The following DMD variants were observed in gnomAD, a reference collection of about 807,000 sequenced individuals.
DMD encodes the protein mutant dystrophin.
In DMD, 63 loss-of-function variants were observed where a neutral mutation model predicts 330.1. The observed-to-expected ratio is 0.19, with a 90% CI of 0.16 to 0.24. DMD has a LOEUF of 0.24. DMD is among the 10% of genes least tolerant of loss of function. The pLI is 1.00. For missense variants in DMD, 3,344 were observed against 2,684.1 expected, an observed-to-expected ratio of 1.25 and a Z score of -5.43; for synonymous variants, 1,223 against 959.8, an observed-to-expected ratio of 1.27 and a Z score of -5.07.
chrX:32,487,342 T>C (rs2042582766), intron 20 of DMD, among the ~76,000 whole-genome samples: 1 of 111,446 alleles, frequency 9.0e-6, no homozygotes, highest in African/African-American at 3.2e-5. Context: ...ACAATTCATA[T>C]ATATGCTGTC....
chrX:31,662,829 T>C (rs772493307), intron 53 of DMD, among the ~76,000 whole-genome samples: 2 of 111,848 alleles, frequency 1.8e-5, no homozygotes, highest in African/African-American at 6.5e-5. Context: ...GCTCGGAAAA[T>C]TGTAAAACAG....
At chrX:32,414,157 G>A (rs1227156963) in intron 29 of DMD, among the ~76,000 whole-genome samples, 1 of 110,689 alleles carries the variant, frequency 9.0e-6, no homozygotes, top group East Asian at 2.8e-4. Flanking sequence ...TTGATTCTTG[G>A]CCTTAAACAT....
intron 9 of DMD, among the ~76,000 whole-genome samples, chrX:32,690,505 T>C (rs1418307897): frequency 8.9e-6 from 1 of 111,756 alleles, no homozygotes; most frequent in East Asian, 2.8e-4. Flanking sequence ...CTGAAATTCA[T>C]ATGGAACCAC....
intron 60 of DMD, among the ~76,000 whole-genome samples, chrX:31,406,768 G>C (rs1380989793): frequency 9.0e-6 from 1 of 111,168 alleles, no homozygotes; most frequent in Non-Finnish European, 1.9e-5. Flanking sequence ...CAATTGCAGA[G>C]CCCCTGTTCC....
chrX:32,729,696 C>T (rs181469272), intron 7 of DMD, among the ~76,000 whole-genome samples: 150 of 111,661 alleles, frequency 1.3e-3, no homozygotes, highest in African/African-American at 4.6e-3. Flanking sequence ...TATTTGTATA[C>T]TTATGTCTCT....
chrX:32,985,088 T>C (rs186969774), intron 2 of DMD, among the ~76,000 whole-genome samples: 96 of 112,627 alleles, frequency 8.5e-4, no homozygotes, highest in African/African-American at 3.0e-3. Context: ...TTCATTTTCA[T>C]GCTTTCGCAG....
intron 65 of DMD, 98 bp downstream of exon 65, chrX:31,209,400 G>A: frequency 1.2e-6 from 1 of 852,726 alleles, no homozygotes; most frequent in Non-Finnish European, 1.8e-6. Flanking sequence ...TAGGTCCACA[G>A]CTTCCAGGGC....
rs758771521 is a variant in DMD at position 31,531,829 on chromosome X, G to A, written c.8218-24376C>T. Among the ~76,000 whole-genome samples the A allele has an allele frequency of 5.0e-3, 509 of 101,774 alleles. 6 individuals carry two copies. The highest frequency in any genetic ancestry group is 0.017 in the African/African-American group (474 of 27,571). 88.4% of individuals were successfully genotyped at this position (101,774 alleles called of 115,157 possible). On this transcript the variant is annotated intron_variant, in intron 55 of 78. Coordinates refer to ENST00000357033, the MANE Select transcript of DMD (RefSeq NM_004006.3). ...CTGAAAACCAAGGCTCGAGAACTAC[G>A]TGAAGAATGCAGAAGCCTCAGGAGC... is the stretch of plus-strand genomic sequence containing the variant.
chrX:31,454,542 T>C (rs1252297019), intron 59 of DMD, among the ~76,000 whole-genome samples: 2 of 111,596 alleles, frequency 1.8e-5, no homozygotes, highest in East Asian at 5.6e-4. Flanking sequence ...CTCCCCTAAA[T>C]AGCTCAAAAC....
chrX:31,204,585 T>C (rs938378125), intron 66 of DMD, among the ~76,000 whole-genome samples: 3 of 112,317 alleles, frequency 2.7e-5, no homozygotes, highest in Admixed American at 9.4e-5. Flanking sequence ...TAGTCCATCA[T>C]GTATGTGTTC....
intron 2 of DMD, among the ~76,000 whole-genome samples, chrX:32,943,576 A>G (rs943871126): frequency 9.9e-5 from 11 of 111,246 alleles, no homozygotes; most frequent in Non-Finnish European, 1.7e-4. Context: ...ACTGATGAAT[A>G]CTGGTGTTGT....
chrX:32,572,831 G>A (rs985988538), intron 15 of DMD, among the ~76,000 whole-genome samples: 2 of 111,194 alleles, frequency 1.8e-5, no homozygotes, highest in Non-Finnish European at 3.8e-5. Context: ...GATGTCTCAT[G>A]AATGGCTTAG....
At chrX:31,677,350 C>T (rs1398147997) in intron 53 of DMD, among the ~76,000 whole-genome samples, 7 of 111,692 alleles carry the variant, frequency 6.3e-5, no homozygotes, top group Non-Finnish European at 1.3e-4. Flanking sequence ...CTAGTCAAAT[C>T]TATCACTGTA....
At chrX:32,686,459 T>A (rs1466775629) in intron 9 of DMD, among the ~76,000 whole-genome samples, 1 of 104,497 alleles carries the variant, frequency 9.6e-6, no homozygotes, top group Non-Finnish European at 1.9e-5. Context: ...CTCAGGAGGC[T>A]GAGGCAGGAG....
At position 32,817,907 on chromosome X, in the gene DMD, T is replaced by C. The variant is rs149863859; in HGVS notation, c.358-1267A>G. On this transcript the variant is annotated intron_variant, in intron 5 of 78. Transcript: ENST00000357033. ...TAAACACAGTAACGATTCGGAGATA[T>C]GAAATCTTTGCATGTATCTGTCACA... Among the ~76,000 whole-genome samples the C allele has an allele frequency of 3.6e-4, 40 of 112,156 alleles. No homozygotes were observed. In the East Asian group the frequency reaches 5.0e-3, roughly 14 times the overall value.
intron 7 of DMD, among the ~76,000 whole-genome samples, chrX:32,742,295 C>T (rs2069388576): frequency 8.9e-6 from 1 of 111,840 alleles, no homozygotes; most frequent in African/African-American, 3.2e-5. Context: ...TAAAATAAAG[C>T]CAATGTTTTT....
chrX:32,615,950 A>G (rs2057529361), intron 11 of DMD, among the ~76,000 whole-genome samples: 3 of 111,029 alleles, frequency 2.7e-5, no homozygotes, highest in Admixed American at 9.6e-5. Flanking sequence ...ATTACACTCA[A>G]TTGTCCTGTT....
At chrX:32,461,491 C>T (rs1413062555) in intron 25 of DMD, among the ~76,000 whole-genome samples, 1 of 111,168 alleles carries the variant, frequency 9.0e-6, no homozygotes, top group Non-Finnish European at 1.9e-5. Context: ...TTTTGCTATG[C>T]AACAGATGAG....
rs187361215 is a variant in DMD, at chrX:32,613,520, A to G, written c.1482+783T>C. On this transcript the variant is annotated intron_variant, in intron 12 of 78. Transcript: ENST00000357033. ...CTGAAGAAAAAAGATGGAAATATTA[A>G]CATTTAAAAAATGTCATATTCTATA... Among the ~76,000 whole-genome samples the G allele has an allele frequency of 4.7e-4, 52 of 111,059 alleles. No homozygotes were observed. In the East Asian group the frequency reaches 0.013, roughly 27 times the overall value.
Sources: allele counts gnomAD v4.1 joint callset (sites outside exome capture counted in the v4.1 genomes callset), GRCh38; gene constraint gnomAD v4.1.1; transcripts MANE v1.5; gene names NCBI Gene and HGNC (gene_info 2026-07-23, HGNC 2026-07-21).